Variants in RAB27A observed in about 807,000 individuals in gnomAD.
RAB27A encodes RAB27A, member RAS oncogene family, also known as ras-related protein Rab-27A.
In RAB27A, 17 loss-of-function variants were observed where a neutral mutation model predicts 20.8. The observed-to-expected ratio is 0.82, with a 90% CI of 0.56 to 1.23. The LOEUF (loss-of-function observed/expected upper bound fraction) is 1.23. Among genes scored for constraint, RAB27A ranks in the 50% most tolerant of loss-of-function variants. The pLI is 0.00. For missense variants in RAB27A, 277 were observed against 266.7 expected (o/e 1.04, Z -0.27); for synonymous variants, 85 against 92.8 (o/e 0.92, Z 0.48).
At chr15:55,217,077 T>C (rs1031601319) in intron 6 of RAB27A, among the ~76,000 whole-genome samples, 32 of 152,348 alleles carry the variant, frequency 2.1e-4, no homozygotes, top group African/African-American at 7.0e-4. Flanking sequence ...GATTTGTAAC[T>C]CCAAATTCAA....
rs1024193882 is a variant in RAB27A, at chr15:55,316,502, C to T, written c.-233-2342G>A. On this transcript the variant is annotated intron_variant, in intron 1 of 5. Coordinates refer to the RAB27A transcript ENST00000563262. The stretch of plus-strand genomic sequence containing the variant: ...CCTGCAGGGCTTAAAACCTAGATGA[C>T]GGGTTGACAGGTGCAGCAAACACCA... Among the ~76,000 whole-genome samples the T allele has an allele frequency of 3.2e-4, 48 of 151,068 alleles. 2 individuals are homozygous for T. The highest frequency in any genetic ancestry group is 1.5e-3 in the Admixed American group (22 of 15,140).
intron 2 of RAB27A, among the ~76,000 whole-genome samples, chr15:55,306,093 G>C (rs2054995790): frequency 6.6e-6 from 1 of 152,174 alleles, no homozygotes; most frequent in South Asian, 2.1e-4. Context: ...ATATTCCTGA[G>C]GGTAGGCAGA....
chr15:55,299,816 CTTTT>C (rs929804372), intron 2 of RAB27A, among the ~76,000 whole-genome samples: 7 of 148,716 alleles, frequency 4.7e-5, no homozygotes, highest in African/African-American at 9.9e-5. Context: ...ATCCTAATTT[CTTTT>C]TTTTTCTTTT....
At chr15:55,209,373 A>G (rs1167361840) in intron 6 of RAB27A, among the ~76,000 whole-genome samples, 2 of 152,152 alleles carry the variant, frequency 1.3e-5, no homozygotes, top group Non-Finnish European at 2.9e-5. Flanking sequence ...GCTCCCACAT[A>G]TGAGTAAGAA....
intron 1 of RAB27A, among the ~76,000 whole-genome samples, chr15:55,279,927 G>C (rs114471163): frequency 6.6e-6 from 1 of 152,036 alleles, no homozygotes; most frequent in Non-Finnish European, 1.5e-5. Flanking sequence ...CTCAAGCTTC[G>C]GGGTGCATCA....
intron 6 of RAB27A, among the ~76,000 whole-genome samples, chr15:55,210,727 A>G (rs1894985914): frequency 6.6e-6 from 1 of 151,802 alleles, no homozygotes; most frequent in South Asian, 2.1e-4. Context: ...TTATCTCTTC[A>G]TTTTGTTGTT....
intron 2 of RAB27A, among the ~76,000 whole-genome samples, chr15:55,248,023 T>G (rs1211979223): frequency 1.3e-5 from 2 of 150,494 alleles, no homozygotes; most frequent in Admixed American, 6.7e-5. Flanking sequence ...AAGCTCTGCC[T>G]CAGGGGTTCA....
At chr15:55,267,228 G>A (rs1186651621) in intron 2 of RAB27A, among the ~76,000 whole-genome samples, 1 of 152,174 alleles carries the variant, frequency 6.6e-6, no homozygotes, top group East Asian at 1.9e-4. Context: ...CTAAAAGATA[G>A]CTAAAAGATT....
chr15:55,217,402 G>A (rs1895356040), intron 6 of RAB27A, among the ~76,000 whole-genome samples: 1 of 152,042 alleles, frequency 6.6e-6, no homozygotes, highest in Admixed American at 6.5e-5. Flanking sequence ...TGGCTCACCT[G>A]TAATCCCAGC....
chr15:55,242,382 C>G (rs1896527408), intron 2 of RAB27A, among the ~76,000 whole-genome samples: 1 of 152,074 alleles, frequency 6.6e-6, no homozygotes, highest in Non-Finnish European at 1.5e-5. Context: ...TTTGTATGAT[C>G]TGATCCAAGT....
chr15:55,303,542 C>G (rs2054983642), intron 2 of RAB27A, among the ~76,000 whole-genome samples: 1 of 64,362 alleles, frequency 1.6e-5, no homozygotes, highest in African/African-American at 8.5e-5. Flanking sequence ...CGGCCAGCCG[C>G]CCCGTCCGGG....
At chr15:55,210,849 A>G (rs1225782624) in intron 6 of RAB27A, among the ~76,000 whole-genome samples, 1 of 152,050 alleles carries the variant, frequency 6.6e-6, no homozygotes, top group African/African-American at 2.4e-5. Context: ...CAGACGAATG[A>G]CCTGGAGTGT....
intron 5 of RAB27A, among the ~76,000 whole-genome samples, chr15:55,226,238 A>G (rs557834994): frequency 6.6e-5 from 10 of 152,124 alleles, no homozygotes; most frequent in Non-Finnish European, 1.3e-4. Context: ...TGACTACCAC[A>G]CTACCAAATT....
At chr15:55,210,111 C>CATAT (rs1388889245) in intron 6 of RAB27A, among the ~76,000 whole-genome samples, 169 of 141,632 alleles carry the variant, frequency 1.2e-3, no homozygotes, top group African/African-American at 4.5e-3. Flanking sequence ...TATATACACA[C>CATAT]ATACACATAT....
intron 2 of RAB27A, among the ~76,000 whole-genome samples, chr15:55,310,405 C>T (rs2055015233): frequency 6.6e-6 from 1 of 152,186 alleles, no homozygotes; most frequent in Non-Finnish European, 1.5e-5. Context: ...GCTGCTGGAT[C>T]ATCTGGCTAG....
At chr15:55,313,102 A>T (rs997681317) in intron 2 of RAB27A, among the ~76,000 whole-genome samples, 1 of 152,216 alleles carries the variant, frequency 6.6e-6, no homozygotes, top group Non-Finnish European at 1.5e-5. Context: ...TAAAATTTTT[A>T]TAACTACTTT....
intron 2 of RAB27A, among the ~76,000 whole-genome samples, chr15:55,296,443 C>T (rs2054949979): frequency 6.6e-6 from 1 of 151,882 alleles, no homozygotes; most frequent in South Asian, 2.1e-4. Context: ...TTCCAGTGAG[C>T]CTAGATGCCT....
chr15:55,221,212 C>T (rs139044394), intron 6 of RAB27A, among the ~76,000 whole-genome samples: 84 of 152,316 alleles, frequency 5.5e-4, no homozygotes, highest in African/African-American at 1.9e-3. Context: ...AAGCCTGACC[C>T]TCCCCCAGTA....
At chr15:55,288,336 C>T (rs528714329) in intron 1 of RAB27A, among the ~76,000 whole-genome samples, 1 of 152,022 alleles carries the variant, frequency 6.6e-6, no homozygotes, top group Admixed American at 6.6e-5. Context: ...GCCTGGCCAA[C>T]ATAGCAAAAC....
Sources: allele counts gnomAD v4.1 joint callset (sites outside exome capture counted in the v4.1 genomes callset), GRCh38; gene constraint gnomAD v4.1.1; transcripts MANE v1.5; gene names NCBI Gene and HGNC (gene_info 2026-07-23, HGNC 2026-07-21).